Variants in FOXP2 observed in about 807,000 individuals in gnomAD.
The protein encoded by FOXP2 is forkhead box P2, also known as forkhead box protein P2.
FOXP2 carries 12 observed loss-of-function variants against 115.8 expected under a neutral mutation model. The observed-to-expected ratio is 0.10, with a 90% confidence interval of 0.07 to 0.17. FOXP2 has a LOEUF of 0.17. Ranked by LOEUF, FOXP2 falls within the 10% of genes least tolerant of loss-of-function variation. FOXP2 has a pLI of 1.00. For synonymous variants in FOXP2, 328 were observed against 297.7 expected, an observed-to-expected ratio of 1.10 and a Z score of -1.05; for missense variants, 629 against 843.5, an observed-to-expected ratio of 0.75 and a Z score of 3.15.
intron 2 of FOXP2, among the ~76,000 whole-genome samples, chr7:114,369,480 C>T (rs1039313038): frequency 2.0e-5 from 3 of 152,076 alleles, no homozygotes; most frequent in African/African-American, 4.8e-5. Flanking sequence ...ATCACCTGCA[C>T]CTTCTTGTTT....
At chr7:114,568,754 A>T (rs993602308) in intron 3 of FOXP2, among the ~76,000 whole-genome samples, 1 of 151,900 alleles carries the variant, frequency 6.6e-6, no homozygotes, top group Non-Finnish European at 1.5e-5. Flanking sequence ...TTAAGGGATC[A>T]GTAGCATTAA....
At chr7:114,160,497 A>T (rs73716385), upstream of FOXP2, among the ~76,000 whole-genome samples, 638 of 151,962 alleles carry the variant, frequency 4.2e-3, 5 homozygotes, top group African/African-American at 0.014. Flanking sequence ...ATGTTTATTT[A>T]AAAAAAAGGT....
intron 3 of FOXP2, among the ~76,000 whole-genome samples, chr7:114,623,041 A>AT (rs1804339288): frequency 6.6e-6 from 1 of 151,926 alleles, no homozygotes; most frequent in South Asian, 2.1e-4. Context: ...AAGTATTCTA[A>AT]TTCTATGTAA....
chr7:114,202,109 T>C (rs1462157114), intron 1 of FOXP2, among the ~76,000 whole-genome samples: 1 of 152,192 alleles, frequency 6.6e-6, no homozygotes, highest in African/African-American at 2.4e-5. Flanking sequence ...TCTGGATGAG[T>C]ACTGATGCAG....
chr7:114,238,677 G>A (rs1218280294), intron 1 of FOXP2, among the ~76,000 whole-genome samples: 3 of 151,856 alleles, frequency 2.0e-5, no homozygotes, highest in African/African-American at 2.4e-5. Context: ...GAGGCTGAGG[G>A]AGGATGATGG....
chr7:114,549,767 A>G (rs2129286050), intron 3 of FOXP2, among the ~76,000 whole-genome samples: 1 of 150,996 alleles, frequency 6.6e-6, no homozygotes, highest in Admixed American at 6.6e-5. Context: ...AATTTGTGCC[A>G]TTGGATTTTG....
intron 1 of FOXP2, among the ~76,000 whole-genome samples, chr7:114,108,527 A>T (rs1791181801): frequency 6.6e-6 from 1 of 151,870 alleles, no homozygotes. Flanking sequence ...CATTAGACCT[A>T]ATTATTCTTG....
intron 2 of FOXP2, among the ~76,000 whole-genome samples, chr7:114,313,199 T>C (rs558475467): frequency 6.6e-6 from 1 of 152,304 alleles, no homozygotes; most frequent in South Asian, 2.1e-4. Context: ...GTTTCCAAGC[T>C]AAAAGACACC....
At chr7:114,195,208 C>A (rs1793871997) in intron 1 of FOXP2, among the ~76,000 whole-genome samples, 1 of 152,144 alleles carries the variant, frequency 6.6e-6, no homozygotes, top group African/African-American at 2.4e-5. Flanking sequence ...TGCTTCATTT[C>A]TGTTTCAAGC....
intron 16 of FOXP2, among the ~76,000 whole-genome samples, chr7:114,684,011 C>T (rs1808228394): frequency 6.6e-6 from 1 of 152,036 alleles, no homozygotes; most frequent in African/African-American, 2.4e-5. Flanking sequence ...TACAATAGAA[C>T]ATACCTCTTT....
At chr7:114,346,811 A>G (rs765251159) in intron 2 of FOXP2, among the ~76,000 whole-genome samples, 4 of 151,792 alleles carry the variant, frequency 2.6e-5, no homozygotes, top group Non-Finnish European at 5.9e-5. Flanking sequence ...AGGGAAGGAT[A>G]GAGAGTGGTT....
intron 1 of FOXP2, among the ~76,000 whole-genome samples, chr7:114,126,570 CA>C (rs1791715768): frequency 6.6e-6 from 1 of 152,100 alleles, no homozygotes; most frequent in African/African-American, 2.4e-5. Flanking sequence ...CTTATAGTGA[CA>C]TGTGGGTATA....
chr7:114,593,675 T>C (rs1298312199), intron 3 of FOXP2, among the ~76,000 whole-genome samples: 1 of 152,014 alleles, frequency 6.6e-6, no homozygotes. Context: ...GCCCCAGATC[T>C]CCTTTTTGCA....
rs959498472 is a variant in FOXP2 at position 114,342,532 on chromosome 7, C to T, written c.-11+54423C>T. ...AAATACCTAGAAGTTAGCTAAATAA[C>T]TAAGAGTTAATTATGAGGTTAAATG... On this transcript the variant is annotated intron_variant, in intron 2 of 17. Coordinates refer to the FOXP2 transcript ENST00000634411. Among the ~76,000 whole-genome samples, 5 of 151,406 alleles carry T rather than the reference C, an allele frequency of 3.3e-5. No homozygotes were observed. In the East Asian group the frequency reaches 9.7e-4, roughly 29 times the overall value.
intron 1 of FOXP2, among the ~76,000 whole-genome samples, chr7:114,177,562 A>C (rs1793348482): frequency 6.6e-6 from 1 of 152,088 alleles, no homozygotes; most frequent in South Asian, 2.1e-4. Context: ...ACTTGAATGA[A>C]TATATCTATT....
At chr7:114,227,949 G>A (rs936602192) in intron 1 of FOXP2, among the ~76,000 whole-genome samples, 1 of 151,936 alleles carries the variant, frequency 6.6e-6, no homozygotes, top group Non-Finnish European at 1.5e-5. Context: ...CAAACCAATG[G>A]TCCTGTGGAT....
intron 1 of FOXP2, among the ~76,000 whole-genome samples, chr7:114,191,546 A>G (rs1340227890): frequency 6.6e-6 from 1 of 152,168 alleles, no homozygotes; most frequent in Non-Finnish European, 1.5e-5. Context: ...CTTTCCACAA[A>G]ATATTTGTAC....
intron 3 of FOXP2, among the ~76,000 whole-genome samples, chr7:114,593,919 G>C (rs1375075178): frequency 6.6e-6 from 1 of 151,912 alleles, no homozygotes. Context: ...GGCAAGTCAA[G>C]TCTTCAAATA....
intron 2 of FOXP2, among the ~76,000 whole-genome samples, chr7:114,408,907 AC>A (rs1793100799): frequency 6.6e-6 from 1 of 152,036 alleles, no homozygotes; most frequent in Admixed American, 6.6e-5. Context: ...AGTACTTGTT[AC>A]TTTTTTCTTC....
Sources: gnomAD v4.1 joint callset for allele counts (sites outside exome capture counted in the v4.1 genomes callset) on GRCh38, gnomAD v4.1.1 for gene constraint, MANE v1.5 for transcripts, NCBI Gene and HGNC (gene_info 2026-07-23, HGNC 2026-07-21) for gene names.